The following SLC1A6 variants were observed in gnomAD, a reference collection of about 807,000 sequenced individuals.
SLC1A6 encodes the protein excitatory amino acid transporter 4.
SLC1A6 carries 15 observed loss-of-function variants against 42.1 expected under a neutral mutation model. The observed-to-expected ratio is 0.36, with a 90% CI of 0.24 to 0.55. The LOEUF (loss-of-function observed/expected upper bound fraction) is 0.55, where lower values mean the gene tolerates loss of function less well. Ranked by LOEUF, SLC1A6 falls within the 20% of genes least tolerant of loss-of-function variation. The pLI, the probability that SLC1A6 is intolerant of heterozygous loss-of-function variation, is 0.88. For missense variants in SLC1A6, 542 were observed against 772.5 expected, an observed-to-expected ratio of 0.70 and a Z score of 3.54; for synonymous variants, 317 against 319.7, an observed-to-expected ratio of 0.99 and a Z score of 0.09.
At chr19:14,984,866 T>C (rs541894522) in intron 1 of SLC1A6, among the ~76,000 whole-genome samples, 25 of 151,638 alleles carry the variant, frequency 1.6e-4, no homozygotes, top group Admixed American at 1.6e-3. Context: ...ATTATAATTT[T>C]CACTCAAAAG....
chr19:14,973,073 C>T (rs2045663763), intron 1 of SLC1A6, 156 bp from the exon 2 acceptor site: 1 of 604,684 alleles, frequency 1.7e-6, no homozygotes, highest in Non-Finnish European at 2.9e-6. Context: ...AATCCCAGCA[C>T]TTTGGGAGGC....
Position 14,953,073 on chromosome 19 carries a change from A to T in SLC1A6, c.1365-11T>A. The T allele has an allele frequency of 6.2e-7, 1 of 1,601,772 alleles. No individual in the cohort carries two copies. The highest frequency in any genetic ancestry group is 1.3e-5 in the African/African-American group (1 of 74,634). On this transcript the variant is annotated splice_polypyrimidine_tract_variant and intron_variant, in intron 8 of 9. Transcript: ENST00000594383. ...GCTGTGGCCGTGATGCTGCAGGGGGAGGGAGAACATGGGGAGCAGATGGAG... is the reference window on the plus strand; with the variant it reads ...GCTGTGGCCGTGATGCTGCAGGGGGTGGGAGAACATGGGGAGCAGATGGAG...
intron 1 of SLC1A6, among the ~76,000 whole-genome samples, chr19:14,998,927 G>C (rs1374021550): frequency 2.0e-5 from 3 of 151,268 alleles, no homozygotes; most frequent in Non-Finnish European, 4.4e-5. Flanking sequence ...ACCCAGGCTG[G>C]AGTGCAGTGG....
At chr19:15,007,126 T>TA (rs2045899591) in intron 1 of SLC1A6, among the ~76,000 whole-genome samples, 1 of 151,900 alleles carries the variant, frequency 6.6e-6, no homozygotes, top group African/African-American at 2.4e-5. Flanking sequence ...AGCTCACAAG[T>TA]GAAAAACAAA....
At chr19:14,972,411 G>A (rs1035921572) in intron 2 of SLC1A6, among the ~76,000 whole-genome samples, 3 of 149,934 alleles carry the variant, frequency 2.0e-5, no homozygotes, top group African/African-American at 4.9e-5. Flanking sequence ...TTCAATGCAC[G>A]CATATGTGTG....
chr19:15,008,454 G>A (rs2045907141), intron 1 of SLC1A6, among the ~76,000 whole-genome samples: 1 of 152,146 alleles, frequency 6.6e-6, no homozygotes. Context: ...CTTATACACT[G>A]TTGGTGGGGA....
intron 1 of SLC1A6, among the ~76,000 whole-genome samples, chr19:14,976,470 C>T (rs143595803): frequency 0.021 from 3,143 of 152,292 alleles, 58 homozygotes; most frequent in Non-Finnish European, 0.029. Context: ...TTTACAGCAA[C>T]ACACATACAA....
At chr19:14,971,923 C>T (rs772557813) in intron 2 of SLC1A6, 49 bp from the exon 3 acceptor site, 1 of 1,603,640 alleles carries the variant, frequency 6.2e-7, no homozygotes, top group East Asian at 2.2e-5. Context: ...GTCGCTCAGC[C>T]CCAGGCAGGG....
Position 14,958,967 on chromosome 19 carries a change from C to T in SLC1A6, c.936-2258G>A, listed in dbSNP as rs116997318. On this transcript the variant is annotated intron_variant, in intron 6 of 9. Coordinates refer to ENST00000594383, the MANE Select transcript of SLC1A6 (RefSeq NM_005071.3). The stretch of plus-strand genomic sequence containing the variant: ...GTAAAAGTTCGTCTTCAAAGTTTCC[C>T]TTCTTGTTAAAGAATAAATCTTAAG... Among the ~76,000 whole-genome samples the T allele has an allele frequency of 5.1e-3, 775 of 152,282 alleles. 8 individuals carry two copies. Among genetic ancestry groups the T allele is most frequent in the Non-Finnish European group, 8.7e-3 (590 of 68,022 alleles).
intron 1 of SLC1A6, among the ~76,000 whole-genome samples, chr19:15,007,939 C>A (rs1432118485): frequency 6.6e-6 from 1 of 151,756 alleles, no homozygotes; most frequent in South Asian, 2.1e-4. Context: ...GCAGAAGAAT[C>A]GCTTGAACCC....
At chr19:14,975,730 G>C (rs1338286840) in intron 1 of SLC1A6, among the ~76,000 whole-genome samples, 2 of 147,186 alleles carry the variant, frequency 1.4e-5, no homozygotes, top group East Asian at 4.0e-4. Context: ...TCCAGCCTGG[G>C]TGACAAAGCC....
chr19:14,983,336 G>C (rs1008286993), upstream of SLC1A6, among the ~76,000 whole-genome samples: 1 of 152,068 alleles, frequency 6.6e-6, no homozygotes, highest in Non-Finnish European at 1.5e-5. Context: ...CTTTGCTGAA[G>C]TGCTGTCTAG....
intron 6 of SLC1A6, among the ~76,000 whole-genome samples, chr19:14,958,619 TA>T (rs1037347362): frequency 6.6e-6 from 1 of 152,074 alleles, no homozygotes; most frequent in Non-Finnish European, 1.5e-5. Context: ...TCAACATGAC[TA>T]GATCCACCTC....
At chr19:14,988,903 T>C (rs9789250) in intron 1 of SLC1A6, among the ~76,000 whole-genome samples, 107,737 of 151,984 alleles carry the variant, frequency 0.71, 38,667 homozygotes, top group African/African-American at 0.83. Context: ...CCTGTAGTCC[T>C]AGCTACTCAG....
rs1186776175 is a variant in SLC1A6, at chr19:14,950,070, C to T, written c.*125G>A. The T allele has an allele frequency of 1.6e-5, 9 of 575,626 alleles. No homozygotes were observed. Among genetic ancestry groups the T allele is most frequent in the Non-Finnish European group, 2.3e-5 (8 of 349,708 alleles). The allele number at this position is 575,626 out of a possible 1,614,324, so 35.7% of individuals were successfully genotyped here. On this transcript the variant is annotated 3_prime_UTR_variant, in exon 10 of 10. Coordinates refer to ENST00000594383, the MANE Select transcript of SLC1A6 (RefSeq NM_005071.3). The stretch of plus-strand genomic sequence containing the variant: ...CTGCTCCTTTATTTCACTTTTCCCT[C>T]CCCCCTAAATGAGTCAAGCAGAACG...
intron 1 of SLC1A6, among the ~76,000 whole-genome samples, chr19:14,989,766 T>A (rs2045810512): frequency 2.6e-5 from 2 of 77,332 alleles, no homozygotes; most frequent in Non-Finnish European, 2.4e-5. Context: ...GGGTGGGGTG[T>A]GGATCACCTG....
At chr19:14,989,743 G>A (rs1317930023) in intron 1 of SLC1A6, among the ~76,000 whole-genome samples, 1 of 76,420 alleles carries the variant, frequency 1.3e-5, no homozygotes, top group African/African-American at 6.7e-5. Context: ...GGGAGGCTGA[G>A]TGGGGTGGCG....
intron 1 of SLC1A6, chr19:14,974,403 T>C (rs1310492290): frequency 6.6e-6 from 1 of 152,068 alleles, no homozygotes; most frequent in African/African-American, 2.4e-5. Context: ...TAAAAATGTA[T>C]CTAAAATGGA....
chr19:14,989,624 G>T (rs1333969477), intron 1 of SLC1A6, among the ~76,000 whole-genome samples: 1 of 152,142 alleles, frequency 6.6e-6, no homozygotes, highest in East Asian at 1.9e-4. Context: ...CAACCCATGT[G>T]CTCTGTTGGT....
Sources: allele counts gnomAD v4.1 joint callset (sites outside exome capture counted in the v4.1 genomes callset), GRCh38; gene constraint gnomAD v4.1.1; transcripts MANE v1.5; gene names NCBI Gene and HGNC (gene_info 2026-07-23, HGNC 2026-07-21).